FAM13C: variants seen among roughly 807,000 people sequenced by gnomAD.
FAM13C encodes the protein family with sequence similarity 13 member C, also known as protein FAM13C.
A neutral mutation model predicts 73.2 loss-of-function variants in FAM13C; 37 were observed. That is an observed-to-expected ratio of 0.51 (90% CI 0.39 to 0.67). FAM13C has a LOEUF of 0.67. FAM13C is among the 30% of genes least tolerant of loss of function. FAM13C has a pLI of 0.00. For synonymous variants in FAM13C, 246 were observed against 260.9 expected (o/e 0.94, Z 0.55); for missense variants, 589 against 715.6 (o/e 0.82, Z 2.02).
intron 3 of FAM13C, among the ~76,000 whole-genome samples, chr10:59,337,059 T>C (rs945237608): frequency 2.0e-5 from 3 of 152,210 alleles, no homozygotes; most frequent in Admixed American, 6.5e-5. Flanking sequence ...TAACTCCCAT[T>C]TTACTACTTG....
chr10:59,347,974 G>T (rs1275902925), intron 3 of FAM13C, among the ~76,000 whole-genome samples: 1 of 152,102 alleles, frequency 6.6e-6, no homozygotes, highest in Non-Finnish European at 1.5e-5. Context: ...TGTGAATAGT[G>T]CTGCAATAAA....
At chr10:59,263,268 T>A (rs539508692) in intron 9 of FAM13C, among the ~76,000 whole-genome samples, 1 of 152,364 alleles carries the variant, frequency 6.6e-6, no homozygotes, top group African/African-American at 2.4e-5. Context: ...TTTTAGAGTA[T>A]GCAAGGGTAC....
intron 4 of FAM13C, among the ~76,000 whole-genome samples, chr10:59,322,692 T>C (rs1017350050): frequency 2.6e-5 from 4 of 152,224 alleles, no homozygotes; most frequent in African/African-American, 9.6e-5. Context: ...TTTGTTTTGC[T>C]TTTATATTAT....
chr10:59,357,087 T>G (rs1855809004), intron 1 of FAM13C, among the ~76,000 whole-genome samples: 1 of 152,168 alleles, frequency 6.6e-6, no homozygotes, highest in Non-Finnish European at 1.5e-5. Context: ...CTTTTGAGGT[T>G]TTGGGACTCA....
At chr10:59,302,904 A>G (rs991921937) in intron 4 of FAM13C, 40 bp from the exon 5 acceptor site, 7 of 1,585,140 alleles carry the variant, frequency 4.4e-6, no homozygotes, top group Non-Finnish European at 6.0e-6. Flanking sequence ...TTTAAAAGAA[A>G]CGTTTCAGTG....
At chr10:59,360,386 A>G (rs1296107801) in intron 1 of FAM13C, among the ~76,000 whole-genome samples, 1 of 152,104 alleles carries the variant, frequency 6.6e-6, no homozygotes, top group Non-Finnish European at 1.5e-5. Context: ...TGGGGTGGGG[A>G]CAGGAGGCAG....
At chr10:59,323,739 G>T (rs891162452) in intron 4 of FAM13C, among the ~76,000 whole-genome samples, 4 of 152,164 alleles carry the variant, frequency 2.6e-5, no homozygotes, top group African/African-American at 9.7e-5. Flanking sequence ...GGCAGGACCT[G>T]TCTCCACTTC....
chr10:59,330,585 G>T (rs573366104), intron 3 of FAM13C, among the ~76,000 whole-genome samples: 2 of 152,278 alleles, frequency 1.3e-5, no homozygotes, highest in African/African-American at 2.4e-5. Context: ...ATGAGCTAGA[G>T]ATTGGAGGCA....
chr10:59,351,740 T>TC (rs1431390924), intron 3 of FAM13C, among the ~76,000 whole-genome samples: 2 of 152,118 alleles, frequency 1.3e-5, no homozygotes, highest in Non-Finnish European at 2.9e-5. Context: ...TCACGCCTGT[T>TC]CGCAGCACTT....
chr10:59,307,481 G>A (rs922308330), intron 4 of FAM13C, among the ~76,000 whole-genome samples: 1 of 152,126 alleles, frequency 6.6e-6, no homozygotes, highest in Admixed American at 6.5e-5. Context: ...AATCATCAAG[G>A]TCATCATATG....
At chr10:59,362,823 A>C, upstream of FAM13C, 1 of 316,292 alleles carries the variant, frequency 3.2e-6, no homozygotes, top group Admixed American at 5.2e-5. Flanking sequence ...GAGGCTGGCA[A>C]TGAGAATGCC....
chr10:59,286,684 G>A (rs1474982353), intron 5 of FAM13C, among the ~76,000 whole-genome samples: 1 of 151,424 alleles, frequency 6.6e-6, no homozygotes, highest in Non-Finnish European at 1.5e-5. Context: ...GGATGGTAGT[G>A]ATGGTTGCCC....
intron 4 of FAM13C, among the ~76,000 whole-genome samples, chr10:59,310,576 A>T (rs1564563663): frequency 6.6e-6 from 1 of 152,188 alleles, no homozygotes; most frequent in Non-Finnish European, 1.5e-5. Flanking sequence ...ACTAAAAAAA[A>T]ACCAAGCCAC....
At chr10:59,266,622 T>C (rs1429852941) in intron 8 of FAM13C, among the ~76,000 whole-genome samples, 2 of 152,202 alleles carry the variant, frequency 1.3e-5, no homozygotes, top group Non-Finnish European at 2.9e-5. Context: ...GGAGCTTCCT[T>C]CCCCTACTGC....
chr10:59,250,667 C>A (rs1323898296), intron 13 of FAM13C, among the ~76,000 whole-genome samples: 1 of 152,106 alleles, frequency 6.6e-6, no homozygotes, highest in African/African-American at 2.4e-5. Context: ...AAATACAATA[C>A]CTAAATGGAG....
In FAM13C at chr10:59,273,999, G is replaced by T. The variant is rs185542948; in HGVS notation, c.593-3890C>A. ...TGCACTCTTGGGATTGCCCATCATG[G>T]TGGGCTCATAAATAGCATTCAGGGA... On this transcript the variant is annotated intron_variant, in intron 6 of 13. Coordinates refer to ENST00000618804, the MANE Select transcript of FAM13C (RefSeq NM_198215.4). Among the ~76,000 whole-genome samples, 131 of 152,260 alleles carry T rather than the reference G, an allele frequency of 8.6e-4. 3 individuals carry two copies. Among genetic ancestry groups the T allele is most frequent in the Non-Finnish European group, 1.3e-3 (90 of 68,028 alleles).
intron 4 of FAM13C, among the ~76,000 whole-genome samples, chr10:59,321,953 A>C (rs284642): frequency 0.46 from 69,296 of 151,934 alleles, 17,137 homozygotes; most frequent in African/African-American, 0.66. Context: ...GTATTTTACA[A>C]CTGCTGAGAC....
intron 13 of FAM13C, among the ~76,000 whole-genome samples, chr10:59,249,208 TCCTGGCTAACATGGTGAAAC>T (rs1841068660): frequency 1.3e-5 from 2 of 151,940 alleles, no homozygotes; most frequent in Admixed American, 6.6e-5. Context: ...ATTGAGACCA[TCCTGGCTAACATGGTGAAAC>T]CCTGTCTCTA....
rs1410692022 is a variant in FAM13C at position 59,252,968 on chromosome 10, G to T, written c.1363C>A (p.Pro455Thr). 6.2e-7 allele frequency: 1 copy of T among 1,613,876 alleles called. No homozygotes were observed. Among genetic ancestry groups the T allele is most frequent in the South Asian group, 1.1e-5 (1 of 91,058 alleles). Residue 455 changes from proline to threonine, a missense_variant, in exon 12 of 14, where the codon CCA becomes ACA. Transcript: ENST00000618804. ...AAAGAAGGTTGTTGGCTTCCCTGTG[G>T]ACGGTCTTCATCAGAGTCCTCTTCC... ...QEEEDSDEDRPQGSQQPSLAD... is the reference protein window; with the variant it reads ...QEEEDSDEDRTQGSQQPSLAD...
Sources: gnomAD v4.1 joint callset for allele counts (sites outside exome capture counted in the v4.1 genomes callset) on GRCh38, gnomAD v4.1.1 for gene constraint, MANE v1.5 for transcripts, NCBI Gene and HGNC (gene_info 2026-07-23, HGNC 2026-07-21) for gene names.